Variants in TYW1 observed in about 807,000 individuals in gnomAD.
TYW1 encodes S-adenosyl-L-methionine-dependent tRNA 4-demethylwyosine synthase TYW1.
A neutral mutation model predicts 96.2 loss-of-function variants in TYW1; 46 were observed. The observed-to-expected ratio is 0.48, with a 90% CI of 0.38 to 0.61. The LOEUF is 0.61. Ranked by LOEUF, TYW1 falls within the 20% of genes least tolerant of loss-of-function variation. The pLI is 0.00. For synonymous variants in TYW1, 274 were observed against 323.0 expected, an observed-to-expected ratio of 0.85 and a Z score of 1.63; for missense variants, 684 against 909.6, an observed-to-expected ratio of 0.75 and a Z score of 3.19.
intron 10 of TYW1, among the ~76,000 whole-genome samples, chr7:67,077,395 T>C (rs1584532545): frequency 6.6e-6 from 1 of 152,344 alleles, no homozygotes; most frequent in Non-Finnish European, 1.5e-5. Flanking sequence ...CTCCACATCC[T>C]TGTCAGCATT....
intron 15 of TYW1, among the ~76,000 whole-genome samples, chr7:67,224,208 A>G (rs141429119): frequency 0.083 from 12,592 of 152,102 alleles, 595 homozygotes; most frequent in South Asian, 0.11. Context: ...GCTCACTGCA[A>G]CCTCCGCCTC....
intron 13 of TYW1, among the ~76,000 whole-genome samples, chr7:67,149,738 C>CTATCTATCTATG (rs1554376869): frequency 1.7e-5 from 2 of 116,026 alleles, no homozygotes; most frequent in Non-Finnish European, 3.6e-5. Context: ...ATCTATCTAT[C>CTATCTATCTATG]TATCTATCTA....
intron 3 of TYW1, among the ~76,000 whole-genome samples, chr7:67,001,406 TTTTA>T (rs898897379): frequency 2.1e-5 from 3 of 145,784 alleles, no homozygotes; most frequent in Non-Finnish European, 3.0e-5. Flanking sequence ...ATTTATTTTA[TTTTA>T]TTTATTTATT....
In TYW1 at chr7:67,181,798, T is replaced by C. The variant is rs143334763; in HGVS notation, c.1699-1328T>C. The stretch of plus-strand genomic sequence containing the variant: ...ACAGGTCCTGCACCTACTCAAGGGG[T>C]GGGTCTCACTTTAGATTTTAAGCCA... On this transcript the variant is annotated intron_variant, in intron 13 of 15. Coordinates refer to ENST00000359626, the MANE Select transcript of TYW1 (RefSeq NM_018264.4). Among the ~76,000 whole-genome samples, 864 of 152,144 alleles carry C rather than the reference T, an allele frequency of 5.7e-3. 3 individuals are homozygous for C. The highest frequency in any genetic ancestry group is 0.01 in the Non-Finnish European group (683 of 68,000).
intron 15 of TYW1, among the ~76,000 whole-genome samples, chr7:67,203,234 CGA>C (rs1563069535): frequency 6.6e-6 from 1 of 152,206 alleles, no homozygotes; most frequent in African/African-American, 2.4e-5. Context: ...CTCTATCTGA[CGA>C]TAATAGAGCC....
chr7:67,152,231 A>G (rs1798825557), intron 13 of TYW1, among the ~76,000 whole-genome samples: 2 of 152,142 alleles, frequency 1.3e-5, no homozygotes, highest in African/African-American at 4.8e-5. Context: ...TTTACATGGT[A>G]TTTATAGAAA....
intron 15 of TYW1, among the ~76,000 whole-genome samples, chr7:67,231,586 C>T (rs1211100051): frequency 6.6e-6 from 1 of 152,186 alleles, no homozygotes; most frequent in Non-Finnish European, 1.5e-5. Context: ...AAACTATTCC[C>T]CCTTTGAGGT....
chr7:67,080,941 T>G (rs1409268799), intron 10 of TYW1, among the ~76,000 whole-genome samples: 2 of 41,852 alleles, frequency 4.8e-5, no homozygotes, highest in African/African-American at 1.0e-4. Context: ...TTTCTTACTG[T>G]TTTTTTTTTT....
intron 7 of TYW1, among the ~76,000 whole-genome samples, chr7:67,032,571 A>T (rs1345304750): frequency 2.0e-5 from 3 of 152,110 alleles, no homozygotes; most frequent in African/African-American, 7.2e-5. Flanking sequence ...CAGTGAGCTG[A>T]GATCGTGCCA....
chr7:67,038,932 G>A (rs538180498), intron 7 of TYW1, among the ~76,000 whole-genome samples: 3 of 152,100 alleles, frequency 2.0e-5, no homozygotes, highest in South Asian at 4.1e-4. Context: ...ACAAAACAAA[G>A]GAAATACTCA....
At chr7:67,171,257 T>C (rs1799504098) in intron 13 of TYW1, among the ~76,000 whole-genome samples, 1 of 152,192 alleles carries the variant, frequency 6.6e-6, no homozygotes. Context: ...CTTTCATTTC[T>C]GATTTTAGTT....
chr7:67,067,847 G>A (rs1210565102), intron 10 of TYW1, among the ~76,000 whole-genome samples: 1 of 151,756 alleles, frequency 6.6e-6, no homozygotes, highest in African/African-American at 2.4e-5. Flanking sequence ...TTATCTTGCT[G>A]GAAATACAAG....
At chr7:67,040,793 G>A (rs1230611965) in intron 7 of TYW1, among the ~76,000 whole-genome samples, 9 of 151,794 alleles carry the variant, frequency 5.9e-5, no homozygotes, top group African/African-American at 9.7e-5. Context: ...GTAGTGAGCC[G>A]AGATCACGCC....
chr7:67,181,191 T>C (rs1799830528), intron 13 of TYW1, among the ~76,000 whole-genome samples: 1 of 152,214 alleles, frequency 6.6e-6, no homozygotes, highest in South Asian at 2.1e-4. Context: ...TGTATTACTG[T>C]ATAGCCTAAT....
Position 67,238,875 on chromosome 7 carries a change from G to C in TYW1, c.*346G>C. The C allele has an allele frequency of 9.1e-7, 1 of 1,095,598 alleles. No homozygotes were observed. The highest frequency in any genetic ancestry group is 1.1e-6 in the Non-Finnish European group (1 of 896,882). 67.9% of individuals were successfully genotyped at this position (1,095,598 alleles called of 1,614,324 possible). A position where few individuals can be genotyped will look rare whatever the true frequency, so the allele number is the denominator to read the frequency against. ...TGCTAGTCCCGAGAGTGTCAGACAAGGAAGAAGTCCCTGGGCCTCTTCCCC... is the reference window on the plus strand; with the variant it reads ...TGCTAGTCCCGAGAGTGTCAGACAACGAAGAAGTCCCTGGGCCTCTTCCCC... On this transcript the variant is annotated 3_prime_UTR_variant, in exon 16 of 16. Coordinates refer to ENST00000359626, the MANE Select transcript of TYW1 (RefSeq NM_018264.4).
At chr7:67,096,433 A>C (rs2686990) in intron 11 of TYW1, among the ~76,000 whole-genome samples, 19 of 151,890 alleles carry the variant, frequency 1.3e-4, no homozygotes, top group African/African-American at 4.1e-4. Flanking sequence ...CAATAGGAGT[A>C]GGAGAAGACA....
chr7:67,155,473 A>T (rs28888421), intron 13 of TYW1, among the ~76,000 whole-genome samples: 39,416 of 151,922 alleles, frequency 0.26, 5,598 homozygotes, highest in African/African-American at 0.38. Context: ...CAGAAGCAGG[A>T]CACAGCACCA....
chr7:67,002,985 G>C (rs1793457838), intron 3 of TYW1, among the ~76,000 whole-genome samples: 2 of 151,708 alleles, frequency 1.3e-5, no homozygotes, highest in East Asian at 1.9e-4. Flanking sequence ...TGGCCAGGCT[G>C]GTCTCAAACT....
chr7:67,047,809 T>TTTTGG (rs869086599), intron 7 of TYW1, among the ~76,000 whole-genome samples: 1 of 133,522 alleles, frequency 7.5e-6, no homozygotes. Flanking sequence ...TTTTTTTTTT[T>TTTTGG]GAGGCAGAGT....
Sources: allele counts gnomAD v4.1 joint callset (sites outside exome capture counted in the v4.1 genomes callset), GRCh38; gene constraint gnomAD v4.1.1; transcripts MANE v1.5; gene names NCBI Gene and HGNC (gene_info 2026-07-23, HGNC 2026-07-21).